The following CADPS variants were observed in gnomAD, a reference collection of about 807,000 sequenced individuals.
CADPS encodes calcium dependent secretion activator.
A neutral mutation model predicts 167.3 loss-of-function variants in CADPS; 57 were observed. The observed-to-expected ratio is 0.34, with a 90% CI of 0.28 to 0.42. The LOEUF (loss-of-function observed/expected upper bound fraction) is 0.42. Ranked by LOEUF, CADPS falls within the 20% of genes least tolerant of loss-of-function variation. The pLI, the probability that CADPS is intolerant of heterozygous loss-of-function variation, is 1.00. For missense variants in CADPS, 1,414 were observed against 1,738.1 expected (o/e 0.81, Z 3.32); for synonymous variants, 676 against 635.3 (o/e 1.06, Z -0.96).
intron 1 of CADPS, among the ~76,000 whole-genome samples, chr3:62,783,603 C>T (rs1020789881): frequency 6.6e-6 from 1 of 152,078 alleles, no homozygotes; most frequent in African/African-American, 2.4e-5. Flanking sequence ...TTTTCTTAAC[C>T]TGTTAGACAC....
chr3:62,481,239 C>T (rs987340415), intron 22 of CADPS, among the ~76,000 whole-genome samples: 7 of 152,128 alleles, frequency 4.6e-5, no homozygotes, highest in African/African-American at 1.4e-4. Context: ...CTATATCCTG[C>T]CATTTGCTGA....
At chr3:62,567,375 G>C (rs1191994008) in intron 9 of CADPS, among the ~76,000 whole-genome samples, 1 of 151,774 alleles carries the variant, frequency 6.6e-6, no homozygotes, top group Non-Finnish European at 1.5e-5. Flanking sequence ...CTGGGCTAGG[G>C]ACTGTGTATG....
Position 62,438,249 on chromosome 3 carries a change from G to T in CADPS, c.3670-38C>A. The stretch of plus-strand genomic sequence containing the variant: ...AGGAAAACATGAAAACGAATTTTCA[G>T]ACAGCCACTCTTCCTTGTTTACCAT... On this transcript the variant is annotated intron_variant, in intron 27 of 29. Transcript: ENST00000383710. This position sits in a 1 kb window ranked among gnomAD's most constrained non-coding sequence, Gnocchi z 4.7. 2 of 1,433,486 alleles carry T rather than the reference G, an allele frequency of 1.4e-6. No individual in the cohort carries two copies. Among genetic ancestry groups the T allele is most frequent in the Non-Finnish European group, 2.0e-6 (2 of 1,015,976 alleles). The allele number at this position is 1,433,486 out of a possible 1,614,324, so 88.8% of individuals were successfully genotyped here. A position where few individuals can be genotyped will look rare whatever the true frequency, so the allele number is the denominator to read the frequency against.
chr3:62,849,259 G>A lies in CADPS; in HGVS notation c.441+25330C>T, dbSNP rs28883997. On this transcript the variant is annotated intron_variant, in intron 1 of 29. Coordinates refer to ENST00000383710, the MANE Select transcript of CADPS (RefSeq NM_003716.4). ...TGACTTCCTCTTTTCCTAATTGAAT[G>A]CCCTTTATTTCCTTCTCCTGCCTGA... Among the ~76,000 whole-genome samples the A allele has an allele frequency of 1.4e-3, 204 of 148,354 alleles. 2 individuals are homozygous for A. Among genetic ancestry groups the A allele is most frequent in the African/African-American group, 4.8e-3 (189 of 39,692 alleles).
intron 6 of CADPS, among the ~76,000 whole-genome samples, chr3:62,635,234 T>C (rs572438524): frequency 1.3e-5 from 2 of 152,172 alleles, no homozygotes; most frequent in African/African-American, 4.8e-5. Context: ...GTTGAGTGAT[T>C]TGACACAGCA....
intron 1 of CADPS, among the ~76,000 whole-genome samples, chr3:62,804,858 G>T (rs2093994466): frequency 6.6e-6 from 1 of 152,110 alleles, no homozygotes; most frequent in Non-Finnish European, 1.5e-5. Context: ...GACACAGTAT[G>T]TCCTGACCTT....
chr3:62,748,046 C>T (rs1352950829), intron 3 of CADPS, among the ~76,000 whole-genome samples: 3 of 151,522 alleles, frequency 2.0e-5, no homozygotes, highest in Admixed American at 6.6e-5. Context: ...GATGGCCGGG[C>T]GTGGCGGCTT....
intron 13 of CADPS, among the ~76,000 whole-genome samples, chr3:62,521,668 G>A (rs530159450): frequency 5.9e-5 from 9 of 152,284 alleles, no homozygotes; most frequent in Admixed American, 2.6e-4. Context: ...CTGCCTAGAA[G>A]CCTGACTCTC....
At chr3:62,741,997 C>A (rs1396717421) in intron 3 of CADPS, among the ~76,000 whole-genome samples, 2 of 152,026 alleles carry the variant, frequency 1.3e-5, no homozygotes, top group East Asian at 3.9e-4. Flanking sequence ...AAGGTGACAG[C>A]CAAATCAGGA....
intron 6 of CADPS, among the ~76,000 whole-genome samples, chr3:62,631,075 A>G (rs1211643294): frequency 6.6e-6 from 1 of 152,008 alleles, no homozygotes; most frequent in African/African-American, 2.4e-5. Flanking sequence ...TCCTCAAATT[A>G]TAAATGCATA....
chr3:62,691,664 C>A (rs1360857078), intron 3 of CADPS, among the ~76,000 whole-genome samples: 1 of 151,992 alleles, frequency 6.6e-6, no homozygotes, highest in African/African-American at 2.4e-5. Flanking sequence ...TTATCCTCAG[C>A]AAACTAAAGC....
At chr3:62,550,779 C>A (rs529604603) in intron 10 of CADPS, 7 of 456,442 alleles carry the variant, frequency 1.5e-5, no homozygotes, top group Admixed American at 2.4e-5. Context: ...GCTGAATAAC[C>A]AGTGACCTCC....
intron 6 of CADPS, among the ~76,000 whole-genome samples, chr3:62,627,487 A>C (rs1412607951): frequency 5.3e-5 from 8 of 152,140 alleles, no homozygotes; most frequent in Non-Finnish European, 7.4e-5. Context: ...ACTAAAACGG[A>C]AATTTCAAAT....
chr3:62,832,629 C>T (rs1271849463), intron 1 of CADPS, among the ~76,000 whole-genome samples: 1 of 152,196 alleles, frequency 6.6e-6, no homozygotes, highest in African/African-American at 2.4e-5. Flanking sequence ...GACTAAGAAA[C>T]GGAGAGCAGA....
At chr3:62,674,270 A>T (rs571394774) in intron 3 of CADPS, among the ~76,000 whole-genome samples, 8 of 152,210 alleles carry the variant, frequency 5.3e-5, no homozygotes, top group Non-Finnish European at 7.3e-5. Context: ...TTTCCAGGGT[A>T]CTTGAGAACT....
At chr3:62,796,644 C>T (rs1035513030) in intron 1 of CADPS, among the ~76,000 whole-genome samples, 1 of 152,086 alleles carries the variant, frequency 6.6e-6, no homozygotes, top group Admixed American at 6.6e-5. Flanking sequence ...TTTATATGGG[C>T]ATCATTTGCT....
chr3:62,788,714 T>C (rs1056480903), intron 1 of CADPS, among the ~76,000 whole-genome samples: 4 of 152,208 alleles, frequency 2.6e-5, no homozygotes, highest in Non-Finnish European at 4.4e-5. Context: ...TCAGTTGACT[T>C]CTGTTTGAAT....
chr3:62,483,709 T>C (rs1202431660), intron 21 of CADPS, among the ~76,000 whole-genome samples: 2 of 152,164 alleles, frequency 1.3e-5, no homozygotes, highest in Non-Finnish European at 2.9e-5. Flanking sequence ...ACTTTTCCTT[T>C]TATGTGTCTC....
At chr3:62,796,139 C>T (rs1242386936) in intron 1 of CADPS, 1 of 152,230 alleles carries the variant, frequency 6.6e-6, no homozygotes, top group African/African-American at 2.4e-5. Context: ...CAGGGTCTCA[C>T]TACATTGCCC....
Sources: allele counts gnomAD v4.1 joint callset (sites outside exome capture counted in the v4.1 genomes callset), GRCh38; gene constraint gnomAD v4.1.1; non-coding constraint Gnocchi (gnomAD v3.1); transcripts MANE v1.5; gene names NCBI Gene and HGNC (gene_info 2026-07-23, HGNC 2026-07-21).